STK32B: variants seen among roughly 807,000 people sequenced by gnomAD.
STK32B encodes the protein serine/threonine kinase 32B.
STK32B carries 43 observed loss-of-function variants against 52.6 expected under a neutral mutation model. That is an observed-to-expected ratio of 0.82 (90% CI 0.64 to 1.05). The LOEUF is 1.05. Ranked by LOEUF, STK32B falls within the 50% of genes least tolerant of loss-of-function variation. STK32B has a pLI of 0.00. For missense variants in STK32B, 621 were observed against 534.6 expected (o/e 1.16, Z -1.59); for synonymous variants, 238 against 204.3 (o/e 1.17, Z -1.41).
At chr4:5,494,586 A>T (rs2108731497) in intron 11 of STK32B, among the ~76,000 whole-genome samples, 1 of 152,184 alleles carries the variant, frequency 6.6e-6, no homozygotes, top group Admixed American at 6.5e-5. Context: ...TTTAAGGTTA[A>T]TATTGTTATG....
At chr4:5,046,268 G>C in the STK32B span, among the ~76,000 whole-genome samples, 1 of 152,150 alleles carries the variant, frequency 6.6e-6, no homozygotes, top group South Asian at 2.1e-4. Flanking sequence ...AGTGGGGAAA[G>C]GATCTCCTAT....
chr4:5,167,101 C>G (rs1718934848), intron 2 of STK32B, among the ~76,000 whole-genome samples: 2 of 152,212 alleles, frequency 1.3e-5, no homozygotes, highest in Non-Finnish European at 2.9e-5. Flanking sequence ...AAAGCCTCTT[C>G]CTTCACCCTT....
intron 11 of STK32B, among the ~76,000 whole-genome samples, chr4:5,472,553 G>A (rs560816622): frequency 6.6e-5 from 10 of 152,250 alleles, no homozygotes; most frequent in Admixed American, 6.5e-4. Flanking sequence ...CCTATTCTTG[G>A]CCAAAGATCT....
At chr4:5,170,094 C>G (rs1472356146) in intron 3 of STK32B, among the ~76,000 whole-genome samples, 1 of 152,106 alleles carries the variant, frequency 6.6e-6, no homozygotes, top group African/African-American at 2.4e-5. Flanking sequence ...CTAATCGAAC[C>G]TTCATTCTGT....
intron 2 of STK32B, among the ~76,000 whole-genome samples, chr4:5,157,147 G>T (rs1158589033): frequency 6.6e-6 from 1 of 152,086 alleles, no homozygotes; most frequent in Non-Finnish European, 1.5e-5. Context: ...CCTTAAAAAT[G>T]TATTCTTTTA....
At chr4:5,102,095 C>G (rs1713818047) in intron 1 of STK32B, among the ~76,000 whole-genome samples, 1 of 152,156 alleles carries the variant, frequency 6.6e-6, no homozygotes, top group Non-Finnish European at 1.5e-5. Flanking sequence ...AAGGAGTGAA[C>G]CAGTCGGATG....
At chr4:5,375,215 C>T (rs946319294) in intron 4 of STK32B, among the ~76,000 whole-genome samples, 1 of 152,122 alleles carries the variant, frequency 6.6e-6, no homozygotes, top group Non-Finnish European at 1.5e-5. Context: ...CTGTCTGCTG[C>T]ATCCACCCCC....
At chr4:5,044,759 AAGTC>A in the STK32B span, among the ~76,000 whole-genome samples, 1 of 151,960 alleles carries the variant, frequency 6.6e-6, no homozygotes, top group African/African-American at 2.4e-5. Context: ...TTAAAATAAA[AAGTC>A]AGCCAGGTGT....
chr4:5,359,885 G>A (rs10021130), intron 4 of STK32B, among the ~76,000 whole-genome samples: 15,231 of 152,186 alleles, frequency 0.1, 1,204 homozygotes, highest in Admixed American at 0.21. Flanking sequence ...GGACTTATCA[G>A]CCTCTGCTTT....
At chr4:5,343,049 G>A (rs985780558) in intron 4 of STK32B, among the ~76,000 whole-genome samples, 8 of 151,766 alleles carry the variant, frequency 5.3e-5, no homozygotes, top group South Asian at 2.1e-4. Context: ...TGCTGCACCC[G>A]TTAACTTGTC....
At chr4:5,324,511 T>G (rs1731746382) in intron 3 of STK32B, among the ~76,000 whole-genome samples, 1 of 152,286 alleles carries the variant, frequency 6.6e-6, no homozygotes, top group East Asian at 1.9e-4. Flanking sequence ...GCGTCAGTCT[T>G]AAGCAGGGTT....
At chr4:5,451,849 A>T (rs1423399688) in intron 7 of STK32B, among the ~76,000 whole-genome samples, 1 of 152,204 alleles carries the variant, frequency 6.6e-6, no homozygotes, top group East Asian at 1.9e-4. Context: ...CAGGAGGACT[A>T]AGTGGGATCC....
At chr4:5,091,164 C>A (rs529202739) in intron 1 of STK32B, among the ~76,000 whole-genome samples, 1 of 152,060 alleles carries the variant, frequency 6.6e-6, no homozygotes, top group Non-Finnish European at 1.5e-5. Flanking sequence ...TCACCTTGGG[C>A]AAGTGCTTCT....
In STK32B at chr4:5,499,200, A is replaced by C; in HGVS notation, c.*117A>C. Reference sequence around the variant, plus strand: ...CCCTGAAAACATCAGATGCAGAAAAAGCCCTGGACTTGGAGCTGGGAAGCC... The same window carrying C: ...CCCTGAAAACATCAGATGCAGAAAACGCCCTGGACTTGGAGCTGGGAAGCC... On this transcript the variant is annotated 3_prime_UTR_variant, in exon 12 of 12. Transcript: ENST00000282908. The C allele has an allele frequency of 1.5e-6, 2 of 1,365,264 alleles. No homozygotes were observed. The highest frequency in any genetic ancestry group is 2.4e-4 in the Middle Eastern group (1 of 4,134). The allele number at this position is 1,365,264 out of a possible 1,614,324, so 84.6% of individuals were successfully genotyped here.
intron 11 of STK32B, among the ~76,000 whole-genome samples, chr4:5,472,037 T>G (rs1717889844): frequency 6.6e-6 from 1 of 152,208 alleles, no homozygotes. Flanking sequence ...AGACGGTTCC[T>G]GCAACTCCCA....
At chr4:5,030,196 A>C in the STK32B span, among the ~76,000 whole-genome samples, 795 of 152,338 alleles carry the variant, frequency 5.2e-3, 8 homozygotes, top group African/African-American at 0.018. Context: ...TTAGAAAACC[A>C]ATACATGGAC....
At chr4:5,444,259 T>G (rs568060017) in intron 6 of STK32B, among the ~76,000 whole-genome samples, 1 of 152,360 alleles carries the variant, frequency 6.6e-6, no homozygotes, top group Admixed American at 6.5e-5. Context: ...CGAGACTCCG[T>G]GGGTGTAGGA....
At chr4:5,311,583 C>A (rs1484489219) in intron 3 of STK32B, among the ~76,000 whole-genome samples, 1 of 151,964 alleles carries the variant, frequency 6.6e-6, no homozygotes, top group East Asian at 1.9e-4. Flanking sequence ...ATAATGAAAA[C>A]CAGGAATGAA....
intron 6 of STK32B, among the ~76,000 whole-genome samples, chr4:5,419,258 C>T (rs973934304): frequency 6.6e-6 from 1 of 152,216 alleles, no homozygotes; most frequent in Non-Finnish European, 1.5e-5. Flanking sequence ...GTGTCAAAAT[C>T]TAAGGCAGCT....
Sources: allele counts gnomAD v4.1 joint callset (sites outside exome capture counted in the v4.1 genomes callset), GRCh38; gene constraint gnomAD v4.1.1; transcripts MANE v1.5; gene names NCBI Gene and HGNC (gene_info 2026-07-23, HGNC 2026-07-21).